The following TCF7L1 variants were observed in gnomAD, a reference collection of about 807,000 sequenced individuals.
TCF7L1 encodes the protein transcription factor 7 like 1, also known as transcription factor 7-like 1.
In TCF7L1, 18 loss-of-function variants were observed where a neutral mutation model predicts 63.7. That is an observed-to-expected ratio of 0.28 (90% CI 0.20 to 0.42). The LOEUF is 0.42. Ranked by LOEUF, TCF7L1 falls within the 10% of genes least tolerant of loss-of-function variation. TCF7L1 has a pLI of 1.00. For synonymous variants in TCF7L1, 355 were observed against 340.9 expected (o/e 1.04, Z -0.46); for missense variants, 654 against 779.3 (o/e 0.84, Z 1.91).
At chr2:85,257,027 A>G (rs1053352876) in intron 3 of TCF7L1, among the ~76,000 whole-genome samples, 1 of 152,056 alleles carries the variant, frequency 6.6e-6, no homozygotes. Context: ...AGCCTGGGCA[A>G]CGTAGTGAGA....
At chr2:85,197,563 T>C (rs1458194932) in intron 3 of TCF7L1, among the ~76,000 whole-genome samples, 2 of 152,202 alleles carry the variant, frequency 1.3e-5, no homozygotes, top group African/African-American at 4.8e-5. Context: ...TTAATTAGCA[T>C]TTGCTACCAC....
At chr2:85,192,734 G>A (rs1257174232) in intron 3 of TCF7L1, among the ~76,000 whole-genome samples, 1 of 151,168 alleles carries the variant, frequency 6.6e-6, no homozygotes, top group African/African-American at 2.4e-5. Flanking sequence ...AAGTGCAGTG[G>A]TGTGATCACA....
intron 3 of TCF7L1, among the ~76,000 whole-genome samples, chr2:85,155,910 G>T (rs556576097): frequency 6.6e-6 from 1 of 152,288 alleles, no homozygotes; most frequent in African/African-American, 2.4e-5. Context: ...AATTAACGCA[G>T]GCAGAACAAA....
intron 3 of TCF7L1, among the ~76,000 whole-genome samples, chr2:85,183,711 T>C (rs560372173): frequency 1.6e-4 from 24 of 152,148 alleles, no homozygotes; most frequent in Non-Finnish European, 3.4e-4. Context: ...TCCAGGCTGT[T>C]TGGAGAGGCA....
At chr2:85,215,013 TAGTTTGA>T (rs1170779093) in intron 3 of TCF7L1, among the ~76,000 whole-genome samples, 2 of 152,150 alleles carry the variant, frequency 1.3e-5, no homozygotes, top group Non-Finnish European at 2.9e-5. Context: ...AGTCTCTTCC[TAGTTTGA>T]CCATCAAGAG....
chr2:85,298,317 C>G (rs1390218635), intron 4 of TCF7L1, among the ~76,000 whole-genome samples: 2 of 151,290 alleles, frequency 1.3e-5, no homozygotes, highest in Non-Finnish European at 2.9e-5. Flanking sequence ...ATGGTGAAAC[C>G]CCGTCTCTAC....
intron 3 of TCF7L1, among the ~76,000 whole-genome samples, chr2:85,144,417 C>CA (rs55964315): frequency 0.011 from 1,055 of 94,962 alleles, 16 homozygotes; most frequent in African/African-American, 0.026. Context: ...CCTGTCTCTA[C>CA]AAAAAAAAAA....
intron 4 of TCF7L1, among the ~76,000 whole-genome samples, chr2:85,286,574 C>G (rs1558656841): frequency 6.6e-6 from 1 of 152,052 alleles, no homozygotes; most frequent in Non-Finnish European, 1.5e-5. Context: ...TGGCTCACCA[C>G]AACCTCTGCC....
rs1182161371 is a variant in TCF7L1, at chr2:85,139,637, A to G, written c.441+5187A>G. On this transcript the variant is annotated intron_variant, in intron 3 of 11. Coordinates refer to ENST00000282111, the MANE Select transcript of TCF7L1 (RefSeq NM_031283.3). ...TAATCCAGGTAATTCTTGTTAATTT[A>G]GAAGAATGTAAATAGTAAGAGGAGG... Among the ~76,000 whole-genome samples the G allele has an allele frequency of 2.0e-5, 3 of 152,254 alleles. No homozygotes were observed. In the East Asian group the frequency reaches 5.8e-4, roughly 29 times the overall value.
chr2:85,195,298 A>G (rs1375199217), intron 3 of TCF7L1, among the ~76,000 whole-genome samples: 1 of 152,198 alleles, frequency 6.6e-6, no homozygotes, highest in Admixed American at 6.5e-5. Context: ...AGAAATGTTA[A>G]CGTGCATGGG....
chr2:85,220,217 A>G (rs574519157), intron 3 of TCF7L1, among the ~76,000 whole-genome samples: 52 of 152,302 alleles, frequency 3.4e-4, no homozygotes, highest in African/African-American at 1.2e-3. Context: ...TGAATGACAG[A>G]TCGGATACTT....
intron 3 of TCF7L1, among the ~76,000 whole-genome samples, chr2:85,221,929 C>CT (rs1455405879): frequency 7.7e-6 from 1 of 130,054 alleles, no homozygotes; most frequent in African/African-American, 4.1e-5. Context: ...AAAATCCAGA[C>CT]TTAAAAAAAA....
chr2:85,305,325 G>T lies in TCF7L1; in HGVS notation c.911G>T (p.Gly304Val). ...GCCCACCCTGGCCTGCCCACCTCAG[G>T]GATCCCCCACCCTGCCATCGTCTCC... ...APAHPGLPTS[G>V]IPHPAIVSPI... Residue 304 changes from glycine to valine, a missense_variant, in exon 8 of 12, where the codon GGG (glycine) becomes GTG (valine). Coordinates refer to ENST00000282111, the MANE Select transcript of TCF7L1 (RefSeq NM_031283.3). 6.2e-7 allele frequency: 1 copy of T among 1,613,856 alleles called. No individual in the cohort carries two copies. The highest frequency in any genetic ancestry group is 8.5e-7 in the Non-Finnish European group (1 of 1,179,974).
At chr2:85,141,764 A>G (rs1677745069) in intron 3 of TCF7L1, among the ~76,000 whole-genome samples, 2 of 152,196 alleles carry the variant, frequency 1.3e-5, no homozygotes, top group Admixed American at 1.3e-4. Context: ...AGGGTGCTGT[A>G]TAGTAGGTGT....
rs141533070 is a variant in TCF7L1, at chr2:85,260,976, G to A, written c.442-22519G>A. Among the ~76,000 whole-genome samples the A allele has an allele frequency of 1.6e-3, 248 of 152,226 alleles. 1 individual carries two copies. Among genetic ancestry groups the A allele is most frequent in the African/African-American group, 5.8e-3 (239 of 41,558 alleles). On this transcript the variant is annotated intron_variant, in intron 3 of 11. Coordinates refer to ENST00000282111, the MANE Select transcript of TCF7L1 (RefSeq NM_031283.3). ...CTCAGTTATCATATCTACTGTGACA[G>A]GCCTTGCACACGTCCTGTGAGATCC... is the stretch of plus-strand genomic sequence containing the variant.
chr2:85,183,630 G>A (rs1678852466), intron 3 of TCF7L1, among the ~76,000 whole-genome samples: 1 of 152,126 alleles, frequency 6.6e-6, no homozygotes. Context: ...CTGATTTTGG[G>A]GAAAATCATC....
intron 3 of TCF7L1, among the ~76,000 whole-genome samples, chr2:85,148,116 A>AG (rs1677924338): frequency 6.6e-6 from 1 of 152,148 alleles, no homozygotes; most frequent in African/African-American, 2.4e-5. Context: ...AATCCTTGTT[A>AG]GGGAGAGTGA....
intron 3 of TCF7L1, among the ~76,000 whole-genome samples, chr2:85,144,252 T>C (rs1435443311): frequency 6.6e-6 from 1 of 152,036 alleles, no homozygotes; most frequent in East Asian, 1.9e-4. Flanking sequence ...CAAAAATCTA[T>C]AAAAGACTAT....
At chr2:85,188,982 T>TG (rs907191713) in intron 3 of TCF7L1, among the ~76,000 whole-genome samples, 3 of 152,128 alleles carry the variant, frequency 2.0e-5, no homozygotes, top group South Asian at 4.1e-4. Flanking sequence ...ATTATCTTTT[T>TG]GGGGGGGTGT....
Sources: gnomAD v4.1 joint callset for allele counts (sites outside exome capture counted in the v4.1 genomes callset) on GRCh38, gnomAD v4.1.1 for gene constraint, MANE v1.5 for transcripts, NCBI Gene and HGNC (gene_info 2026-07-23, HGNC 2026-07-21) for gene names.